CSMD1: variants seen among roughly 807,000 people sequenced by gnomAD.
CSMD1 encodes the protein CUB and Sushi multiple domains 1, also known as CUB and sushi domain-containing protein 1.
A neutral mutation model predicts 417.5 loss-of-function variants in CSMD1; 213 were observed. That is an observed-to-expected ratio of 0.51 (90% CI 0.46 to 0.57). The LOEUF (loss-of-function observed/expected upper bound fraction) is 0.57, where lower values mean the gene tolerates loss of function less well. Among genes scored for constraint, CSMD1 ranks in the 20% least tolerant of loss-of-function variants. The pLI, the probability that CSMD1 is intolerant of heterozygous loss-of-function variation, is 0.00. For missense variants in CSMD1, 6,923 were observed against 4,529.7 expected, an observed-to-expected ratio of 1.53 and a Z score of -15.17; for synonymous variants, 2,862 against 1,736.8, an observed-to-expected ratio of 1.65 and a Z score of -16.11.
chr8:3,821,073 C>T (rs1801710375), intron 5 of CSMD1, among the ~76,000 whole-genome samples: 1 of 152,080 alleles, frequency 6.6e-6, no homozygotes, highest in African/African-American at 2.4e-5. Context: ...TGTGCCACCA[C>T]ACCTGGTTAC....
intron 5 of CSMD1, among the ~76,000 whole-genome samples, chr8:3,921,231 GTATTTA>G (rs1809233494): frequency 1.3e-5 from 2 of 151,952 alleles, no homozygotes; most frequent in Admixed American, 1.3e-4. Flanking sequence ...TTACAGTATT[GTATTTA>G]TATTTCTGTA....
chr8:4,250,848 C>T (rs1256269430), intron 3 of CSMD1, among the ~76,000 whole-genome samples: 1 of 152,120 alleles, frequency 6.6e-6, no homozygotes, highest in Non-Finnish European at 1.5e-5. Context: ...ATGTCAACAC[C>T]TTGTCACTAT....
At chr8:4,447,517 C>T (rs1798884305) in intron 2 of CSMD1, among the ~76,000 whole-genome samples, 1 of 152,170 alleles carries the variant, frequency 6.6e-6, no homozygotes, top group East Asian at 1.9e-4. Context: ...TTTGGAGAGG[C>T]TCTAATCCAA....
chr8:4,426,359 C>A (rs535862031), intron 2 of CSMD1, among the ~76,000 whole-genome samples: 1 of 149,422 alleles, frequency 6.7e-6, no homozygotes, highest in South Asian at 2.1e-4. Flanking sequence ...TTTGAAAATC[C>A]TTTTTATATA....
At position 4,132,770 on chromosome 8, in the gene CSMD1, G is replaced by A. The variant is rs150893117; in HGVS notation, c.416-100671C>T. On this transcript the variant is annotated intron_variant, in intron 3 of 69. Coordinates refer to ENST00000635120, the MANE Select transcript of CSMD1 (RefSeq NM_033225.6). Reference sequence around the variant, plus strand: ...ATAGTGTTGATGTTCTCTACAATCCGTTTAAAAAGACACAAACTGTGTGTG... The same window carrying A: ...ATAGTGTTGATGTTCTCTACAATCCATTTAAAAAGACACAAACTGTGTGTG... 7.6e-3 allele frequency among the ~76,000 whole-genome samples: 1,153 copies of A among 152,224 alleles called. 6 individuals are homozygous for A. The highest frequency in any genetic ancestry group is 0.012 in the Non-Finnish European group (822 of 68,024).
chr8:3,846,664 T>C (rs528319066), intron 5 of CSMD1, among the ~76,000 whole-genome samples: 8 of 152,200 alleles, frequency 5.3e-5, no homozygotes, highest in Non-Finnish European at 1.2e-4. Context: ...TATTTAATTA[T>C]TTATTTAGTT....
rs116323713 is a variant in CSMD1, at chr8:4,925,431, A to T, written c.85+68901T>A. Among the ~76,000 whole-genome samples, 229 of 152,094 alleles carry T rather than the reference A, an allele frequency of 1.5e-3. 2 individuals carry two copies. Among genetic ancestry groups the T allele is most frequent in the African/African-American group, 5.2e-3 (217 of 41,540 alleles). On this transcript the variant is annotated intron_variant, in intron 1 of 69. Coordinates refer to ENST00000635120, the MANE Select transcript of CSMD1 (RefSeq NM_033225.6). ...AATCTAAAATATACCTTTCCTACAG[A>T]ACTTACTGTTAATCATTTCAAAATC...
At chr8:4,036,257 G>A (rs961787427) in intron 3 of CSMD1, among the ~76,000 whole-genome samples, 5 of 152,296 alleles carry the variant, frequency 3.3e-5, no homozygotes, top group Middle Eastern at 3.4e-3. Flanking sequence ...ATGCATGACT[G>A]CATGTAACAT....
intron 51 of CSMD1, among the ~76,000 whole-genome samples, chr8:3,023,931 G>A (rs946510209): frequency 9.2e-5 from 14 of 151,474 alleles, no homozygotes; most frequent in South Asian, 8.4e-4. Context: ...TGAAGATTCC[G>A]TTGGTCCTGA....
At chr8:3,503,365 A>G (rs1052272509) in intron 10 of CSMD1, among the ~76,000 whole-genome samples, 1 of 152,250 alleles carries the variant, frequency 6.6e-6, no homozygotes, top group South Asian at 2.1e-4. Flanking sequence ...TAACTATATG[A>G]CTATTAGCCT....
At chr8:4,348,367 C>G (rs192578581) in intron 3 of CSMD1, among the ~76,000 whole-genome samples, 2 of 152,106 alleles carry the variant, frequency 1.3e-5, no homozygotes, top group Admixed American at 1.3e-4. Flanking sequence ...AAGTGTACTA[C>G]GCTACAAGTG....
At chr8:3,564,115 C>G (rs952177282) in intron 10 of CSMD1, among the ~76,000 whole-genome samples, 11 of 152,166 alleles carry the variant, frequency 7.2e-5, no homozygotes, top group African/African-American at 2.4e-4. Flanking sequence ...GAATACTCAT[C>G]ACTTCAAACA....
intron 3 of CSMD1, among the ~76,000 whole-genome samples, chr8:4,134,943 C>A (rs1191720217): frequency 6.6e-6 from 1 of 152,142 alleles, no homozygotes; most frequent in Non-Finnish European, 1.5e-5. Flanking sequence ...CATTCCTCAA[C>A]CAACACATCT....
chr8:3,503,806 G>T (rs923166803), intron 10 of CSMD1, among the ~76,000 whole-genome samples: 3 of 150,402 alleles, frequency 2.0e-5, no homozygotes, highest in Non-Finnish European at 3.0e-5. Flanking sequence ...CTCTTTCCTT[G>T]CCCTCCATCT....
chr8:2,998,219 T>C (rs760929990), intron 53 of CSMD1, 35 bp from the exon 54 acceptor site: 8 of 1,602,490 alleles, frequency 5.0e-6, no homozygotes, highest in South Asian at 2.2e-5. Flanking sequence ...TTGTTAAATA[T>C]TGAACAGGTC....
chr8:4,290,156 C>A lies in CSMD1; in HGVS notation c.415+129797G>T, dbSNP rs60298775. ...GCAGGGAGTGGTGAGGAAATGCTTC[C>A]CAGGTAAAGCAGAGTTGCGTGGACT... On this transcript the variant is annotated intron_variant, in intron 3 of 69. Coordinates refer to ENST00000635120, the MANE Select transcript of CSMD1 (RefSeq NM_033225.6). Among the ~76,000 whole-genome samples, 371 of 152,202 alleles carry A rather than the reference C, an allele frequency of 2.4e-3. 2 individuals carry two copies. The highest frequency in any genetic ancestry group is 8.6e-3 in the African/African-American group (359 of 41,534).
At chr8:3,456,476 A>T (rs998364970) in intron 12 of CSMD1, among the ~76,000 whole-genome samples, 7 of 152,304 alleles carry the variant, frequency 4.6e-5, no homozygotes, top group African/African-American at 1.7e-4. Context: ...CAATTTAGAA[A>T]ATGCATAACA....
At chr8:3,682,182 T>C (rs1281719148) in intron 7 of CSMD1, among the ~76,000 whole-genome samples, 2 of 152,112 alleles carry the variant, frequency 1.3e-5, no homozygotes, top group East Asian at 1.9e-4. Flanking sequence ...AAAGCCAAAA[T>C]TGACAAATGG....
intron 6 of CSMD1, among the ~76,000 whole-genome samples, chr8:3,719,267 C>T (rs917473525): frequency 6.6e-6 from 1 of 152,132 alleles, no homozygotes; most frequent in Non-Finnish European, 1.5e-5. Flanking sequence ...TTACAAAAAC[C>T]CCAGTTTCAG....
Sources: allele counts gnomAD v4.1 joint callset (sites outside exome capture counted in the v4.1 genomes callset), GRCh38; gene constraint gnomAD v4.1.1; transcripts MANE v1.5; gene names NCBI Gene and HGNC (gene_info 2026-07-23, HGNC 2026-07-21).